The following MRPL37 variants were observed in gnomAD, a reference collection of about 807,000 sequenced individuals.
MRPL37 encodes the protein mitochondrial ribosomal protein L37.
MRPL37 carries 34 observed loss-of-function variants against 44.1 expected under a neutral mutation model. The observed-to-expected ratio is 0.77, with a 90% CI of 0.59 to 1.03. The LOEUF (loss-of-function observed/expected upper bound fraction) is 1.03. MRPL37 is among the 50% of genes least tolerant of loss of function. The pLI is 0.00. For missense variants in MRPL37, 532 were observed against 543.7 expected (o/e 0.98, Z 0.21); for synonymous variants, 212 against 219.5 (o/e 0.97, Z 0.30).
chr1:54,211,438 G>C (rs1319733414), intron 4 of MRPL37, among the ~76,000 whole-genome samples: 3 of 151,988 alleles, frequency 2.0e-5, no homozygotes, highest in Non-Finnish European at 4.4e-5. Flanking sequence ...AAACATGCAG[G>C]AGAGCCATGC....
At chr1:54,225,436 G>GA, downstream of MRPL37, 6 of 1,227,600 alleles carry the variant, frequency 4.9e-6, no homozygotes, top group Non-Finnish European at 6.1e-6. Flanking sequence ...AAGGGCTGCG[G>GA]AAAAAAGATG....
downstream of MRPL37, among the ~76,000 whole-genome samples, chr1:54,223,532 C>T (rs902769792): frequency 6.6e-6 from 1 of 152,210 alleles, no homozygotes; most frequent in Admixed American, 6.5e-5. Context: ...GGCTATGCTG[C>T]TGCTGGTGTC....
At chr1:54,215,828 A>AC (rs1322774798) in intron 5 of MRPL37, among the ~76,000 whole-genome samples, 5 of 151,362 alleles carry the variant, frequency 3.3e-5, no homozygotes, top group Non-Finnish European at 1.5e-5. Context: ...TCTGTCATTA[A>AC]CCCCCCAGCT....
downstream of MRPL37, among the ~76,000 whole-genome samples, chr1:54,221,624 G>A (rs574760311): frequency 6.6e-5 from 10 of 152,210 alleles, no homozygotes; most frequent in South Asian, 4.1e-4. Flanking sequence ...ATACATGCGC[G>A]CACACATGCA....
chr1:54,204,120 T>A (rs1030808502), intron 1 of MRPL37, among the ~76,000 whole-genome samples: 4 of 152,214 alleles, frequency 2.6e-5, no homozygotes, highest in Non-Finnish European at 4.4e-5. Flanking sequence ...CAGTGGCTAA[T>A]GCCTATAATC....
intron 3 of MRPL37, among the ~76,000 whole-genome samples, chr1:54,207,059 T>G (rs1399959726): frequency 6.6e-6 from 1 of 152,164 alleles, no homozygotes; most frequent in African/African-American, 2.4e-5. Flanking sequence ...GCCCGCTGCT[T>G]TCTTCATTTA....
chr1:54,210,063 C>A lies in MRPL37; in HGVS notation c.764C>A (p.Thr255Asn). The A allele has an allele frequency of 4.3e-6, 7 of 1,614,174 alleles. No individual in the cohort carries two copies. The highest frequency in any genetic ancestry group is 5.9e-6 in the Non-Finnish European group (7 of 1,180,008). The change falls in exon 4 of 7, where the codon ACC (threonine) becomes AAC (asparagine). Residue 255 changes from threonine (T) to asparagine (N), a missense_variant. Thr to Asn is a moderately conservative substitution (Grantham distance 65). Transcript: ENST00000360840. ...GCTACTAAGAATCATGTTCTAGAGA[C>A]CTTCTACCCCATATCACCCATCATC... ...IEATKNHVLE[T>N]FYPISPIIDL... is the part of the protein sequence containing the mutation.
intron 3 of MRPL37, 152 bp downstream of exon 3, chr1:54,205,562 G>C (rs980249397): frequency 1.9e-5 from 12 of 639,894 alleles, no homozygotes; most frequent in Non-Finnish European, 3.2e-5. Context: ...CACACCCTCA[G>C]TATCATTAGC....
At chr1:54,209,750 A>G (rs756907454) in intron 3 of MRPL37, among the ~76,000 whole-genome samples, 196 bp from the exon 4 acceptor site, 3 of 151,946 alleles carry the variant, frequency 2.0e-5, no homozygotes, top group Non-Finnish European at 4.4e-5. Context: ...TGAGCCTACC[A>G]TGCCTGGCCA....
chr1:54,220,750 A>G (rs761804321), downstream of MRPL37: 3 of 471,296 alleles, frequency 6.4e-6, no homozygotes, highest in African/African-American at 6.0e-5. Flanking sequence ...CCAGCCAGTG[A>G]GCTGGTGAAG....
chr1:54,210,912 G>T (rs1427636631), intron 4 of MRPL37, among the ~76,000 whole-genome samples: 1 of 152,076 alleles, frequency 6.6e-6, no homozygotes, highest in Non-Finnish European at 1.5e-5. Context: ...GTGGCCTGTT[G>T]GTAAAGTTGG....
In MRPL37 at chr1:54,205,065, C is replaced by T. The variant is rs1644110959; in HGVS notation, c.394C>T (p.Leu132Phe). The T allele has an allele frequency of 6.2e-7, 1 of 1,614,038 alleles. No individual in the cohort carries two copies. The highest frequency in any genetic ancestry group is 1.7e-5 in the Admixed American group (1 of 59,990). Reference sequence around the variant, plus strand: ...CACCAAGACCAAGTTAATAGAAGGCCTTCCCGAGAAAGTGCTTAGCCTTGT... The same window carrying T: ...CACCAAGACCAAGTTAATAGAAGGCTTTCCCGAGAAAGTGCTTAGCCTTGT... ...WLTKTKLIEGLPEKVLSLVDD... is the reference protein window; with the variant it reads ...WLTKTKLIEGFPEKVLSLVDD... Residue 132 changes from leucine (L) to phenylalanine (F), a missense_variant, in exon 2 of 7, where the codon CTT (leucine) becomes TTT (phenylalanine). Leu to Phe is a conservative substitution (Grantham distance 22). Coordinates refer to ENST00000360840, the MANE Select transcript of MRPL37 (RefSeq NM_016491.4).
intron 3 of MRPL37, among the ~76,000 whole-genome samples, chr1:54,209,096 A>G (rs1316857222): frequency 6.6e-6 from 1 of 152,172 alleles, no homozygotes; most frequent in Non-Finnish European, 1.5e-5. Context: ...CCCCACCTGT[A>G]CAATTTTTGA....
At position 54,200,499 on chromosome 1, in the gene MRPL37, A is replaced by T; in HGVS notation, c.256A>T (p.Arg86Trp). The change falls in exon 1 of 7, where the codon AGG becomes TGG. Residue 86 changes from arginine (R) to tryptophan (W), a missense_variant. Coordinates refer to ENST00000360840, the MANE Select transcript of MRPL37 (RefSeq NM_016491.4). ...PPWDRGYKDP[R>W]FYRSPPLHEH... ...CTGGGACCGCGGCTACAAGGACCCA[A>T]GGTTCTACCGCTCGCCCCCTCTTCA... is the stretch of plus-strand genomic sequence containing the variant. The T allele has an allele frequency of 6.2e-7, 1 of 1,614,186 alleles. No individual in the cohort carries two copies. Among genetic ancestry groups the T allele is most frequent in the African/African-American group, 1.3e-5 (1 of 75,058 alleles).
chr1:54,219,028 T>G (rs1644216354), downstream of MRPL37, among the ~76,000 whole-genome samples: 1 of 152,218 alleles, frequency 6.6e-6, no homozygotes, highest in South Asian at 2.1e-4. Flanking sequence ...AGACTTTTAT[T>G]TGGGGAGAAC....
downstream of MRPL37, among the ~76,000 whole-genome samples, chr1:54,224,073 C>G (rs952929925): frequency 6.6e-6 from 1 of 152,216 alleles, no homozygotes; most frequent in Admixed American, 6.5e-5. Flanking sequence ...GCACCCTGAT[C>G]CCATGGCTCT....
intron 6 of MRPL37, among the ~76,000 whole-genome samples, chr1:54,217,509 C>T (rs926902242): frequency 2.0e-5 from 3 of 152,238 alleles, no homozygotes; most frequent in Non-Finnish European, 4.4e-5. Context: ...CCGCTCCACC[C>T]CTCAGCATTC....
At chr1:54,211,391 T>C (rs1473382359) in intron 4 of MRPL37, among the ~76,000 whole-genome samples, 1 of 152,158 alleles carries the variant, frequency 6.6e-6, no homozygotes, top group East Asian at 1.9e-4. Context: ...GTTCTAGATA[T>C]TTACCTGTGC....
intron 4 of MRPL37, among the ~76,000 whole-genome samples, chr1:54,211,580 C>G (rs1644165226): frequency 6.6e-6 from 1 of 152,036 alleles, no homozygotes; most frequent in African/African-American, 2.4e-5. Flanking sequence ...GCAGCCTTGA[C>G]CTCCCAGGCT....
Sources: allele counts gnomAD v4.1 joint callset (sites outside exome capture counted in the v4.1 genomes callset), GRCh38; gene constraint gnomAD v4.1.1; transcripts MANE v1.5; gene names NCBI Gene and HGNC (gene_info 2026-07-23, HGNC 2026-07-21).